The following ZSWIM8 variants were observed in gnomAD, a reference collection of about 807,000 sequenced individuals.
ZSWIM8 encodes the protein zinc finger SWIM-type containing 8, also known as zinc finger SWIM domain-containing protein 8.
A neutral mutation model predicts 173.7 loss-of-function variants in ZSWIM8; 27 were observed. The observed-to-expected ratio is 0.16, with a 90% CI of 0.11 to 0.21. The LOEUF (loss-of-function observed/expected upper bound fraction) is 0.21. Ranked by LOEUF, ZSWIM8 falls within the 10% of genes least tolerant of loss-of-function variation. The probability of loss-of-function intolerance (pLI) is 1.00; values close to 1 mark genes in which losing one functional copy is unlikely to be tolerated. For synonymous variants in ZSWIM8, 958 were observed against 962.0 expected (o/e 1.00, Z 0.08); for missense variants, 1,627 against 2,428.8 (o/e 0.67, Z 6.94).
chr10:73,790,714 T>C (rs2083387252), intron 7 of ZSWIM8, among the ~76,000 whole-genome samples: 1 of 152,046 alleles, frequency 6.6e-6, no homozygotes, highest in Non-Finnish European at 1.5e-5. Flanking sequence ...CCAGGCGTGG[T>C]GGCGGGCGCC....
Position 73,797,426 on chromosome 10 carries a change from C to T in ZSWIM8, c.3483C>T (p.Ser1161=). 1.9e-6 allele frequency: 3 copies of T among 1,613,970 alleles called. No homozygotes were observed. The highest frequency in any genetic ancestry group is 2.5e-6 in the Non-Finnish European group (3 of 1,179,858). ...SSAPETTSDS[S]PTLSRRPLRG... is the part of the protein sequence containing the mutation. The stretch of plus-strand genomic sequence containing the variant: ...CCCCTGAAACAACATCGGATAGTTC[C>T]CCCACCTTAAGCCGGAGACCACTTC... The change falls in exon 18 of 26, where the codon TCC becomes TCT. Residue 1161 remains serine (S), a synonymous_variant. Transcript: ENST00000604729. This position sits in a 1 kb window ranked among gnomAD's most constrained non-coding sequence, Gnocchi z 5.6.
Position 73,792,962 on chromosome 10 carries a change from G to C in ZSWIM8, c.2313+110G>C, listed in dbSNP as rs1240846737. On this transcript the variant is annotated intron_variant, in intron 10 of 25. Coordinates refer to ENST00000604729, the MANE Select transcript of ZSWIM8 (RefSeq NM_001367799.1). The surrounding 1 kb of genome is among the most constrained non-coding windows in gnomAD (Gnocchi z 4.3). ...CCATCAGCAGGATTGTGAGAACCCT[G>C]TTGCAGGCGCCGAACTGGTCTCCCT... is the stretch of plus-strand genomic sequence containing the variant. 2 of 1,346,772 alleles carry C rather than the reference G, an allele frequency of 1.5e-6. No individual in the cohort carries two copies. The highest frequency in any genetic ancestry group is 2.0e-6 in the Non-Finnish European group (2 of 1,001,664). The allele number at this position is 1,346,772 out of a possible 1,614,324, so 83.4% of individuals were successfully genotyped here.
Position 73,792,600 on chromosome 10 carries a change from C to A in ZSWIM8, c.2061C>A (p.Gly687=). Reference sequence around the variant, plus strand: ...CTGAGCCTCCCACAGCCTCTGTTGGCCCCCCTGGCCTACTGCCTGGGGATG... The same window carrying A: ...CTGAGCCTCCCACAGCCTCTGTTGGACCCCCTGGCCTACTGCCTGGGGATG... ...EGPEPPTASV[G]PPGLLPGDVC... The change falls in exon 10 of 26, where the codon GGC becomes GGA. Residue 687 remains glycine, a synonymous_variant. Transcript: ENST00000604729. The surrounding 1 kb of genome is among the most constrained non-coding windows in gnomAD (Gnocchi z 4.3). 6.2e-7 allele frequency: 1 copy of A among 1,613,986 alleles called. No individual in the cohort carries two copies. Among genetic ancestry groups the A allele is most frequent in the Non-Finnish European group, 8.5e-7 (1 of 1,179,866 alleles).
chr10:73,796,535 T>G, intron 15 of ZSWIM8: 1 of 566,398 alleles, frequency 1.8e-6, no homozygotes, highest in Non-Finnish European at 3.2e-6. Flanking sequence ...ATTTCAGTAT[T>G]TATTGACTAT....
At chr10:73,798,974 C>A (rs2083794804) in intron 20 of ZSWIM8, 28 bp from the exon 21 acceptor site, 1 of 1,584,234 alleles carries the variant, frequency 6.3e-7, no homozygotes, top group African/African-American at 1.3e-5. Context: ...GCCTTTCCCC[C>A]TTAACACTCT....
At chr10:73,790,868 C>A (rs2083393322) in intron 7 of ZSWIM8, 107 bp from the exon 8 acceptor site, 4 of 1,128,212 alleles carry the variant, frequency 3.5e-6, no homozygotes, top group African/African-American at 3.1e-5. Flanking sequence ...AATTTTGTTA[C>A]AGATGTCTTT....
chr10:73,786,439 A>G (rs759626509), intron 1 of ZSWIM8: 5 of 254,284 alleles, frequency 2.0e-5, no homozygotes, highest in Non-Finnish European at 3.7e-5. Flanking sequence ...GGGATAAGGG[A>G]GAAGAATCTT....
At position 73,797,678 on chromosome 10, in the gene ZSWIM8, C is replaced by A; in HGVS notation, c.3662+73C>A. On this transcript the variant is annotated intron_variant, in intron 18 of 25. Coordinates refer to ENST00000604729, the MANE Select transcript of ZSWIM8 (RefSeq NM_001367799.1). This position sits in a 1 kb window ranked among gnomAD's most constrained non-coding sequence, Gnocchi z 5.6. ...AGCCACACCCCTAGTGCAATCCAAC[C>A]ATTGTCTCCCAGCATCCTCACTTTC... 6.4e-7 allele frequency: 1 copy of A among 1,570,690 alleles called. No individual in the cohort carries two copies. Among genetic ancestry groups the A allele is most frequent in the Non-Finnish European group, 8.7e-7 (1 of 1,153,338 alleles).
rs1379943378 is a variant in ZSWIM8 at position 73,798,349 on chromosome 10, A to C, written c.4072A>C (p.Asn1358His). The C allele has an allele frequency of 6.2e-7, 1 of 1,614,008 alleles. No homozygotes were observed. Among genetic ancestry groups the C allele is most frequent in the East Asian group, 2.2e-5 (1 of 44,890 alleles). ...CAGGGCATCACGGGCAAGAGACTCC[A>C]ATATGGTGAGGGCGGCAGCAGAGCT... is the stretch of plus-strand genomic sequence containing the variant. ...ADRASRARDS[N>H]MVRAAAELAL... is the part of the protein sequence containing the mutation. Residue 1358 changes from asparagine to histidine, a missense_variant, in exon 20 of 26, where the codon AAT (asparagine) becomes CAT (histidine). Physicochemically the swap from Asn to His is moderately conservative, Grantham distance 68 (BLOSUM62 1). Transcript: ENST00000604729.
At chr10:73,798,962 A>G in intron 20 of ZSWIM8, 40 bp from the exon 21 acceptor site, 1 of 1,563,342 alleles carries the variant, frequency 6.4e-7, no homozygotes. Context: ...CATGTGGTAA[A>G]GGCCTTTCCC....
At chr10:73,799,984 C>G in intron 21 of ZSWIM8, 27 bp from the exon 22 acceptor site, 1 of 1,606,494 alleles carries the variant, frequency 6.2e-7, no homozygotes, top group Non-Finnish European at 8.5e-7. Context: ...AGTTTGGCAT[C>G]TTCCCCTTTC....
In ZSWIM8 at chr10:73,795,676, G is replaced by C. The variant is rs1412315433; in HGVS notation, c.3033+13G>C. 6.2e-7 allele frequency: 1 copy of C among 1,608,810 alleles called. No homozygotes were observed. Among genetic ancestry groups the C allele is most frequent in the Admixed American group, 1.7e-5 (1 of 59,862 alleles). On this transcript the variant is annotated intron_variant, in intron 15 of 25. Coordinates refer to ENST00000604729, the MANE Select transcript of ZSWIM8 (RefSeq NM_001367799.1). ...CAAGCTTAAGAAGGTAAGAGACTGGGGCTGGGTGCGGTGGCTCATGCCTGT... is the reference window on the plus strand; with the variant it reads ...CAAGCTTAAGAAGGTAAGAGACTGGCGCTGGGTGCGGTGGCTCATGCCTGT...
Position 73,800,060 on chromosome 10 carries a change from C to T in ZSWIM8, c.4715C>T (p.Pro1572Leu). The T allele has an allele frequency of 6.2e-7, 1 of 1,613,864 alleles. No individual in the cohort carries two copies. The highest frequency in any genetic ancestry group is 1.1e-5 in the South Asian group (1 of 91,080). Residue 1572 changes from proline (P) to leucine (L), a missense_variant, in exon 22 of 26, where the codon CCT becomes CTT. By Grantham distance (98) the Pro-to-Leu change is moderately conservative (BLOSUM62 -3). This residue lies in a region of ZSWIM8 where 275 missense variants were observed against 290.1 expected (regional missense o/e 0.95). Transcript: ENST00000604729. The surrounding 1 kb of genome is among the most constrained non-coding windows in gnomAD (Gnocchi z 4.1). ...GCTCAGTACCCTTATTCAGTGACTCCTCCCTCACTTGCTGCCACTGCTGTG... is the reference window on the plus strand; with the variant it reads ...GCTCAGTACCCTTATTCAGTGACTCTTCCCTCACTTGCTGCCACTGCTGTG... ...LGAQYPYSVT[P>L]PSLAATAVSF... is the part of the protein sequence containing the mutation.
rs759807338 is a variant in ZSWIM8, at chr10:73,795,699, T to C, written c.3033+36T>C. ...GGGGCTGGGTGCGGTGGCTCATGCC[T>C]GTAATCCCAGCAGTTTGGGAGGCAG... On this transcript the variant is annotated intron_variant, in intron 15 of 25. Transcript: ENST00000604729. 5.0e-6 allele frequency: 8 copies of C among 1,596,478 alleles called. No individual in the cohort carries two copies. In the Admixed American group the frequency reaches 1.4e-4, roughly 27 times the overall value.
rs1224145883 is a variant in ZSWIM8, at chr10:73,792,265, C to T, written c.1726C>T (p.His576Tyr). 3 of 1,597,360 alleles carry T rather than the reference C, an allele frequency of 1.9e-6. No individual in the cohort carries two copies. Among genetic ancestry groups the T allele is most frequent in the South Asian group, 1.1e-5 (1 of 88,886 alleles). ...AGCTGAAGGGGGAGATAAAGCTCTACATAAGATGGGTCCAGGTGGGGGCAA... is the reference window on the plus strand; with the variant it reads ...AGCTGAAGGGGGAGATAAAGCTCTATATAAGATGGGTCCAGGTGGGGGCAA... ...LSAEGGDKAL[H>Y]KMGPGGGKAK... The change falls in exon 10 of 26, where the codon CAT becomes TAT. Residue 576 changes from histidine to tyrosine, a missense_variant. By Grantham distance (83) the His-to-Tyr change is moderately conservative (BLOSUM62 2). Around this residue, in one of 18 missense-constraint regions of ZSWIM8, gnomAD observed 383 missense variants for 394.8 expected, o/e 0.97. Transcript: ENST00000604729. This position sits in a 1 kb window ranked among gnomAD's most constrained non-coding sequence, Gnocchi z 4.3.
Position 73,788,751 on chromosome 10 carries a change from A to G in ZSWIM8, c.290A>G (p.Tyr97Cys). The G allele has an allele frequency of 6.2e-7, 1 of 1,613,970 alleles. No homozygotes were observed. The highest frequency in any genetic ancestry group is 8.5e-7 in the Non-Finnish European group (1 of 1,179,872). The change falls in exon 2 of 26, where the codon TAC (tyrosine) becomes TGC (cysteine). Residue 97 changes from tyrosine to cysteine, a missense_variant. Transcript: ENST00000604729. ...CCATTTGAAGTGGTGGAGAAAGTTT[A>G]CCCACCAGTGCCTGAGCAGCTACAG... is the stretch of plus-strand genomic sequence containing the variant. The part of the protein sequence containing the change: ...HIPFEVVEKV[Y>C]PPVPEQLQLR...
At chr10:73,790,670 G>A (rs1038878946) in intron 7 of ZSWIM8, among the ~76,000 whole-genome samples, 1 of 152,076 alleles carries the variant, frequency 6.6e-6, no homozygotes, top group African/African-American at 2.4e-5. Flanking sequence ...CCAACATGGC[G>A]AATCTCCATC....
chr10:73,788,979 C>G, intron 2 of ZSWIM8, 117 bp from the exon 3 acceptor site: 2 of 885,688 alleles, frequency 2.3e-6, no homozygotes, highest in South Asian at 1.5e-5. Context: ...CCCCCCACCC[C>G]CCGCCCTGGG....
In ZSWIM8 at chr10:73,800,602, T is replaced by G; in HGVS notation, c.5003-38T>G. 2 of 1,610,738 alleles carry G rather than the reference T, an allele frequency of 1.2e-6. No individual in the cohort carries two copies. Among genetic ancestry groups the G allele is most frequent in the Non-Finnish European group, 8.5e-7 (1 of 1,178,098 alleles). Reference sequence around the variant, plus strand: ...AGGTTGGGGTAAAGGGTGAAGAGGATACACCGTACCATGTGCCCACCCTTA... The same window carrying G: ...AGGTTGGGGTAAAGGGTGAAGAGGAGACACCGTACCATGTGCCCACCCTTA... On this transcript the variant is annotated intron_variant, in intron 23 of 25. Coordinates refer to ENST00000604729, the MANE Select transcript of ZSWIM8 (RefSeq NM_001367799.1). This position sits in a 1 kb window ranked among gnomAD's most constrained non-coding sequence, Gnocchi z 4.1.
Sources: allele counts gnomAD v4.1 joint callset (sites outside exome capture counted in the v4.1 genomes callset), GRCh38; gene constraint gnomAD v4.1.1; regional missense constraint gnomAD v4.1.1; non-coding constraint Gnocchi (gnomAD v3.1); transcripts MANE v1.5; gene names NCBI Gene and HGNC (gene_info 2026-07-23, HGNC 2026-07-21).